The following EYS variants were observed in gnomAD, a reference collection of about 807,000 sequenced individuals.
The protein encoded by EYS is protein eyes shut homolog.
In EYS, 250 loss-of-function variants were observed where a neutral mutation model predicts 282.1. That is an observed-to-expected ratio of 0.89 (90% CI 0.80 to 0.98). The LOEUF (loss-of-function observed/expected upper bound fraction) is 0.98, where lower values mean the gene tolerates loss of function less well. EYS is among the 50% of genes least tolerant of loss of function. EYS has a pLI of 0.00. For missense variants in EYS, 4,016 were observed against 3,709.0 expected (o/e 1.08, Z -2.15); for synonymous variants, 1,355 against 1,282.9 (o/e 1.06, Z -1.20).
At chr6:64,646,365 T>G (rs1376916289) in intron 22 of EYS, among the ~76,000 whole-genome samples, 1 of 152,234 alleles carries the variant, frequency 6.6e-6, no homozygotes, top group Non-Finnish European at 1.5e-5. Flanking sequence ...GGATTCATTA[T>G]GAAGATTTCA....
At chr6:65,674,464 A>G (rs1233366177) in intron 1 of EYS, among the ~76,000 whole-genome samples, 1 of 149,626 alleles carries the variant, frequency 6.7e-6, no homozygotes, top group African/African-American at 2.4e-5. Context: ...AAAAAAAAAA[A>G]AAAAAAAAAA....
chr6:64,273,437 C>CT (rs995294974), intron 30 of EYS, among the ~76,000 whole-genome samples: 2 of 151,848 alleles, frequency 1.3e-5, no homozygotes, highest in African/African-American at 2.4e-5. Flanking sequence ...TTTTCCCCAC[C>CT]TTTTTTTCTA....
chr6:65,373,256 G>C (rs1175963911), intron 8 of EYS, among the ~76,000 whole-genome samples: 1 of 152,000 alleles, frequency 6.6e-6, no homozygotes, highest in Non-Finnish European at 1.5e-5. Flanking sequence ...TTTATCCCTG[G>C]GCCAGGTAGG....
chr6:65,293,341 A>C (rs1346718185), intron 12 of EYS, among the ~76,000 whole-genome samples: 1 of 151,802 alleles, frequency 6.6e-6, no homozygotes, highest in Admixed American at 6.6e-5. Flanking sequence ...AAAGGTTATA[A>C]CCTGAAAAAA....
At chr6:64,533,953 T>C (rs910379428) in intron 26 of EYS, among the ~76,000 whole-genome samples, 7 of 151,788 alleles carry the variant, frequency 4.6e-5, no homozygotes, top group African/African-American at 1.5e-4. Context: ...CAAGAGGACA[T>C]AGAGAGATAA....
intron 11 of EYS, among the ~76,000 whole-genome samples, chr6:65,297,119 T>A (rs1181208229): frequency 6.6e-6 from 1 of 151,340 alleles, no homozygotes; most frequent in East Asian, 1.9e-4. Context: ...ATCATTTTAA[T>A]ATAATAATAC....
intron 22 of EYS, among the ~76,000 whole-genome samples, chr6:64,627,330 A>G (rs1378732159): frequency 6.6e-6 from 1 of 152,212 alleles, no homozygotes; most frequent in Non-Finnish European, 1.5e-5. Flanking sequence ...CAAGGGCAAG[A>G]ATAAGAAAAG....
rs539328921 is a variant in EYS at position 65,280,721 on chromosome 6, G to C, written c.2023+15142C>G. Among the ~76,000 whole-genome samples, 105 of 151,718 alleles carry C rather than the reference G, an allele frequency of 6.9e-4. 1 individual carries two copies. The highest frequency in any genetic ancestry group is 2.5e-3 in the African/African-American group (103 of 41,392). ...ATGATATTAATTCATCTGATACATA[G>C]AAATAATAACACCTGGCTGGGCGCA... is the stretch of plus-strand genomic sequence containing the variant. On this transcript the variant is annotated intron_variant, in intron 12 of 42. Transcript: ENST00000503581.
chr6:64,715,592 G>A (rs1331168723), intron 22 of EYS, among the ~76,000 whole-genome samples: 1 of 152,180 alleles, frequency 6.6e-6, no homozygotes, highest in Non-Finnish European at 1.5e-5. Flanking sequence ...CAAGTTTGGG[G>A]GTTTTCTGTG....
rs192986497 is a variant in EYS at position 64,100,194 on chromosome 6, A to T, written c.6425-18192T>A. 2.0e-5 allele frequency among the ~76,000 whole-genome samples: 3 copies of T among 152,288 alleles called. No individual in the cohort carries two copies. In the East Asian group the frequency reaches 5.8e-4, roughly 29 times the overall value. ...AGAATAATTATACTACTTTCTGTCA[A>T]TCATTTTTAACTTATCTTGCATATT... On this transcript the variant is annotated intron_variant, in intron 31 of 42. Coordinates refer to ENST00000503581, the MANE Select transcript of EYS (RefSeq NM_001142800.2).
chr6:64,654,724 T>C (rs1768685436), intron 22 of EYS, among the ~76,000 whole-genome samples: 2 of 152,196 alleles, frequency 1.3e-5, no homozygotes, highest in Non-Finnish European at 2.9e-5. Context: ...AGAAATATTT[T>C]CAAATCTGCA....
At chr6:65,599,399 C>T (rs1231276395) in intron 2 of EYS, among the ~76,000 whole-genome samples, 1 of 151,912 alleles carries the variant, frequency 6.6e-6, no homozygotes, top group Non-Finnish European at 1.5e-5. Context: ...ATTGGCTGAT[C>T]CAGAAGATTC....
rs1329373552 is a variant in EYS, at chr6:63,726,506, C to T, written c.8233+13G>A. On this transcript the variant is annotated intron_variant, in intron 42 of 42. Transcript: ENST00000503581. ...GGAATTCATTCTGCAAACAAACAGC[C>T]TGCCAATCTTACCTGATTGGGCTTT... is the stretch of plus-strand genomic sequence containing the variant. 6.5e-7 allele frequency: 1 copy of T among 1,544,398 alleles called. No individual in the cohort carries two copies. Among genetic ancestry groups the T allele is most frequent in the African/African-American group, 1.4e-5 (1 of 72,764 alleles).
chr6:65,472,722 G>A (rs1304807070), intron 5 of EYS, among the ~76,000 whole-genome samples: 2 of 151,970 alleles, frequency 1.3e-5, no homozygotes, highest in African/African-American at 2.4e-5. Flanking sequence ...TTCTGTATTT[G>A]AGAGCCATCA....
intron 35 of EYS, among the ~76,000 whole-genome samples, chr6:63,965,328 G>A (rs918538192): frequency 6.6e-6 from 1 of 152,184 alleles, no homozygotes; most frequent in African/African-American, 2.4e-5. Flanking sequence ...AGAAGAAAAG[G>A]TCGTGTGATC....
intron 41 of EYS, among the ~76,000 whole-genome samples, chr6:63,753,391 A>G (rs1054115391): frequency 1.3e-5 from 2 of 152,026 alleles, no homozygotes; most frequent in Non-Finnish European, 2.9e-5. Context: ...AGAAATGTTG[A>G]GACCCATCTA....
chr6:64,056,583 A>C (rs1045730511), intron 33 of EYS, among the ~76,000 whole-genome samples: 1 of 152,094 alleles, frequency 6.6e-6, no homozygotes, highest in African/African-American at 2.4e-5. Context: ...TTCTCCTTCA[A>C]CCTAATTTCT....
rs761721655 is a variant in EYS at position 64,912,655 on chromosome 6, A to G, written c.2470T>C (p.Cys824Arg). ...DSDPCMNGGL[C>R]HESTIPGQFV... ...TGTCCAGGGATGGTAGATTCATGAC[A>G]AAGACCTCCATTCATGCATGGATCA... Residue 824 changes from cysteine to arginine, a missense_variant, in exon 16 of 43, where the codon TGT becomes CGT. Transcript: ENST00000503581. 38 of 1,548,424 alleles carry G rather than the reference A, an allele frequency of 2.5e-5. No homozygotes were observed. The African/African-American group carries it at 4.7e-4, about 19-fold the overall frequency.
At position 64,038,807 on chromosome 6, in the gene EYS, T is replaced by A. The variant is rs921844722; in HGVS notation, c.6725+27531A>T. ...TACTTTTGTTTTCTTTTTCTTTCTT[T>A]CTTTTTTTTTTTCTTGAGACGGAGT... On this transcript the variant is annotated intron_variant, in intron 33 of 42. Transcript: ENST00000503581. Among the ~76,000 whole-genome samples, 20 of 151,890 alleles carry A rather than the reference T, an allele frequency of 1.3e-4. 1 individual carries two copies. Among genetic ancestry groups the A allele is most frequent in the Admixed American group, 1.3e-3 (20 of 15,280 alleles).
Sources: allele counts gnomAD v4.1 joint callset (sites outside exome capture counted in the v4.1 genomes callset), GRCh38; gene constraint gnomAD v4.1.1; transcripts MANE v1.5; gene names NCBI Gene and HGNC (gene_info 2026-07-23, HGNC 2026-07-21).